MDFIC: variants seen among roughly 807,000 people sequenced by gnomAD.
MDFIC encodes the protein MyoD family inhibitor domain containing.
MDFIC carries 17 observed loss-of-function variants against 23.2 expected under a neutral mutation model. The observed-to-expected ratio is 0.73, with a 90% confidence interval of 0.50 to 1.10. The LOEUF (loss-of-function observed/expected upper bound fraction) is 1.10. MDFIC is among the 50% of genes least tolerant of loss of function. The pLI, the probability that MDFIC is intolerant of heterozygous loss-of-function variation, is 0.00. For synonymous variants in MDFIC, 120 were observed against 115.2 expected (o/e 1.04, Z -0.27); for missense variants, 356 against 316.6 (o/e 1.12, Z -0.95).
At position 114,922,465 on chromosome 7, in the gene MDFIC, G is replaced by A. The variant is rs1168338979; in HGVS notation, c.-279G>A. ...CGCTGCCGCAGTTGCCGCCACTGCG[G>A]CGTCTGGGCTGAGCCGGAGGGAGGC... On this transcript the variant is annotated 5_prime_UTR_variant, in exon 1 of 5. Coordinates refer to ENST00000393486, the MANE Select transcript of MDFIC (RefSeq NM_001166345.3). The A allele has an allele frequency of 3.2e-6, 4 of 1,247,674 alleles. No homozygotes were observed. Among genetic ancestry groups the A allele is most frequent in the Middle Eastern group, 3.1e-4 (1 of 3,226 alleles). The allele number at this position is 1,247,674 out of a possible 1,614,324, so 77.3% of individuals were successfully genotyped here. A position where few individuals can be genotyped will look rare whatever the true frequency, so the allele number is the denominator to read the frequency against.
chr7:114,978,211 A>T (rs1775082722), intron 3 of MDFIC, among the ~76,000 whole-genome samples: 1 of 151,876 alleles, frequency 6.6e-6, no homozygotes, highest in South Asian at 2.1e-4. Context: ...GAAATATCTC[A>T]TACATCAAAT....
chr7:114,967,930 G>A (rs1793136052), intron 3 of MDFIC, among the ~76,000 whole-genome samples: 1 of 149,698 alleles, frequency 6.7e-6, no homozygotes, highest in Non-Finnish European at 1.5e-5. Context: ...CCAGTCTCAA[G>A]TGATTCTAAC....
At chr7:114,964,849 C>T (rs1051051864) in intron 3 of MDFIC, among the ~76,000 whole-genome samples, 3 of 152,062 alleles carry the variant, frequency 2.0e-5, no homozygotes, top group Admixed American at 6.5e-5. Flanking sequence ...ATGCCGGGCC[C>T]CTTGACGTCA....
intron 2 of MDFIC, among the ~76,000 whole-genome samples, chr7:114,926,765 G>A (rs979403619): frequency 1.2e-4 from 19 of 152,174 alleles, no homozygotes; most frequent in African/African-American, 4.6e-4. Context: ...TAGCTGAGTT[G>A]TCAGTAGTTT....
intron 3 of MDFIC, among the ~76,000 whole-genome samples, chr7:114,943,586 C>G (rs932706737): frequency 6.6e-6 from 1 of 152,118 alleles, no homozygotes; most frequent in African/African-American, 2.4e-5. Flanking sequence ...ATTTATATAG[C>G]TTTATCCAAA....
intron 2 of MDFIC, among the ~76,000 whole-genome samples, chr7:114,940,350 G>T (rs1379629888): frequency 6.6e-6 from 1 of 152,194 alleles, no homozygotes; most frequent in East Asian, 1.9e-4. Context: ...AATCCCCATG[G>T]TACATGAAAA....
intron 2 of MDFIC, 104 bp from the exon 3 acceptor site, chr7:114,942,171 T>C (rs958730529): frequency 2.8e-6 from 2 of 721,592 alleles, no homozygotes; most frequent in Admixed American, 3.8e-5. Flanking sequence ...TTCTATTTCC[T>C]TAAATTATGG....
rs147393948 is a variant in MDFIC at position 114,956,465 on chromosome 7, C to T, written c.217+14068C>T. On this transcript the variant is annotated intron_variant, in intron 3 of 4. Transcript: ENST00000393486. Reference sequence around the variant, plus strand: ...TTTAATACCATTTACTTATTGCCTCCTGGAGAACTTGGTCTCATTCCAATG... The same window carrying T: ...TTTAATACCATTTACTTATTGCCTCTTGGAGAACTTGGTCTCATTCCAATG... 1.5e-3 allele frequency among the ~76,000 whole-genome samples: 233 copies of T among 151,958 alleles called. 1 individual carries two copies. Among genetic ancestry groups the T allele is most frequent in the African/African-American group, 5.4e-3 (223 of 41,458 alleles).
chr7:114,979,483 A>C, intron 3 of MDFIC, 23 bp from the exon 4 acceptor site: 12 of 1,567,088 alleles, frequency 7.7e-6, no homozygotes, highest in Non-Finnish European at 1.0e-5. Context: ...TAACTGGCTG[A>C]CTTTTTCCTG....
chr7:114,922,885 T>C, intron 1 of MDFIC, 42 bp from the exon 2 acceptor site: 2 of 1,538,524 alleles, frequency 1.3e-6, no homozygotes, highest in Admixed American at 2.0e-5. Flanking sequence ...TGCTCTTCTC[T>C]AAAAACATTT....
At chr7:114,949,602 T>A (rs1456704816) in intron 3 of MDFIC, among the ~76,000 whole-genome samples, 3 of 152,200 alleles carry the variant, frequency 2.0e-5, no homozygotes, top group Non-Finnish European at 4.4e-5. Context: ...ATTGATTACA[T>A]GAAGACTGAA....
Position 114,997,960 on chromosome 7 carries a change from A to G in MDFIC, c.494-17728A>G, listed in dbSNP as rs531257682. Among the ~76,000 whole-genome samples the G allele has an allele frequency of 7.9e-5, 12 of 152,248 alleles. No homozygotes were observed. The South Asian group carries it at 2.5e-3, about 32-fold the overall frequency. On this transcript the variant is annotated intron_variant, in intron 4 of 4. Coordinates refer to ENST00000393486, the MANE Select transcript of MDFIC (RefSeq NM_001166345.3). ...GGAGCTCTTTCAAATAACCGGTAGG[A>G]TATGGCATAGTAGATTTACAAGTTT...
At chr7:114,953,670 T>A (rs1429279563) in intron 3 of MDFIC, among the ~76,000 whole-genome samples, 1 of 152,224 alleles carries the variant, frequency 6.6e-6, no homozygotes, top group African/African-American at 2.4e-5. Context: ...ACTACAGTTG[T>A]CCCTTCGGTA....
rs986871173 is a variant in MDFIC, at chr7:114,923,387, G to T, written c.94+260G>T. ...TGCGAAGAAACAGGATGACAGGATT[G>T]CTTCTTTCTTAAGCATATGCATGTT... On this transcript the variant is annotated intron_variant, in intron 2 of 4. Transcript: ENST00000393486. The T allele has an allele frequency of 2.8e-6, 4 of 1,427,184 alleles. No homozygotes were observed. In the African/African-American group the frequency reaches 5.7e-5, roughly 20 times the overall value. The allele number at this position is 1,427,184 out of a possible 1,614,324, so 88.4% of individuals were successfully genotyped here.
intron 2 of MDFIC, among the ~76,000 whole-genome samples, chr7:114,924,322 T>C (rs1447623606): frequency 2.0e-5 from 3 of 152,248 alleles, no homozygotes; most frequent in African/African-American, 7.2e-5. Flanking sequence ...TCATATCGAC[T>C]CATTGATGGG....
At chr7:114,961,266 C>T (rs1008395139) in intron 3 of MDFIC, among the ~76,000 whole-genome samples, 9 of 152,114 alleles carry the variant, frequency 5.9e-5, no homozygotes, top group African/African-American at 1.2e-4. Context: ...CCAGAGATTA[C>T]GAATTAGAGA....
chr7:114,923,348 C>G (rs994795333), intron 2 of MDFIC: 1 of 1,245,662 alleles, frequency 8.0e-7, no homozygotes, highest in South Asian at 1.4e-5. Flanking sequence ...CCCTCCACTC[C>G]CCCTTCCTTT....
intron 4 of MDFIC, among the ~76,000 whole-genome samples, chr7:114,999,075 C>T (rs954228539): frequency 6.6e-6 from 1 of 151,980 alleles, no homozygotes; most frequent in African/African-American, 2.4e-5. Context: ...CCTCTCTTCT[C>T]TCATTTCTCT....
At chr7:114,945,871 C>G (rs1372018596) in intron 3 of MDFIC, among the ~76,000 whole-genome samples, 1 of 151,976 alleles carries the variant, frequency 6.6e-6, no homozygotes, top group South Asian at 2.1e-4. Context: ...GGCTTTTATA[C>G]TCTTAGAACA....
Sources: gnomAD v4.1 joint callset for allele counts (sites outside exome capture counted in the v4.1 genomes callset) on GRCh38, gnomAD v4.1.1 for gene constraint, MANE v1.5 for transcripts, NCBI Gene and HGNC (gene_info 2026-07-23, HGNC 2026-07-21) for gene names.